CADM3: variants seen among roughly 807,000 people sequenced by gnomAD.
CADM3 encodes TSLC1-like 1.
CADM3 carries 11 observed loss-of-function variants against 44.9 expected under a neutral mutation model. The ratio of observed to expected loss-of-function variants is 0.25; its 90% CI spans 0.15 to 0.41. CADM3 has a LOEUF of 0.41. Ranked by LOEUF, CADM3 falls within the 10% of genes least tolerant of loss-of-function variation. CADM3 has a pLI of 1.00. For missense variants in CADM3, 426 were observed against 512.0 expected, an observed-to-expected ratio of 0.83 and a Z score of 1.62; for synonymous variants, 207 against 205.2, an observed-to-expected ratio of 1.01 and a Z score of -0.08.
chr1:159,192,981 A>T (rs1402101932), intron 3 of CADM3, among the ~76,000 whole-genome samples: 1 of 152,212 alleles, frequency 6.6e-6, no homozygotes, highest in Non-Finnish European at 1.5e-5. Context: ...TAACAGAGAG[A>T]TGATCATACC....
intron 8 of CADM3, 102 bp downstream of exon 8, chr1:159,199,978 A>G (rs1484208937): frequency 3.5e-6 from 5 of 1,419,508 alleles, no homozygotes; most frequent in Non-Finnish European, 4.9e-6. Context: ...GCCTTCAGAG[A>G]CTTGTCAGCC....
chr1:159,197,187 A>T, intron 7 of CADM3, 127 bp downstream of exon 7: 1 of 949,114 alleles, frequency 1.1e-6, no homozygotes, highest in South Asian at 1.7e-5. Context: ...AAACCAGCCC[A>T]CCACTGGGGT....
At chr1:159,194,619 C>T (rs1400771472) in intron 5 of CADM3, 1 of 152,224 alleles carries the variant, frequency 6.6e-6, no homozygotes, top group Non-Finnish European at 1.5e-5. Flanking sequence ...TTTATGATTT[C>T]AAGAAAATAT....
chr1:159,178,486 C>A (rs1649108067), intron 1 of CADM3: 1 of 152,174 alleles, frequency 6.6e-6, no homozygotes, highest in African/African-American at 2.4e-5. Flanking sequence ...TACATCCATA[C>A]CGTCCTGAAC....
At chr1:159,193,228 A>G (rs1259844159) in intron 3 of CADM3, among the ~76,000 whole-genome samples, 195 bp from the exon 4 acceptor site, 2 of 152,220 alleles carry the variant, frequency 1.3e-5, no homozygotes, top group African/African-American at 4.8e-5. Flanking sequence ...CCTCACTGCC[A>G]TGCTGTCTCC....
Position 159,178,852 on chromosome 1 carries a change from A to C in CADM3, c.88+6999A>C, listed in dbSNP as rs76701978. ...CAAGCTTCTCATCCCCTAAATGCTG[A>C]TTTTCCCATGTCAATTTATGGATAA... On this transcript the variant is annotated intron_variant, in intron 1 of 8. Transcript: ENST00000368125. 7.9e-5 allele frequency among the ~76,000 whole-genome samples: 12 copies of C among 152,244 alleles called. 1 individual carries two copies. The East Asian group carries it at 1.7e-3, about 22-fold the overall frequency.
At chr1:159,184,533 G>C (rs920778241) in intron 1 of CADM3, among the ~76,000 whole-genome samples, 2 of 152,118 alleles carry the variant, frequency 1.3e-5, no homozygotes, top group African/African-American at 4.8e-5. Flanking sequence ...CACTGGCAAG[G>C]CCAGCAGCAG....
At chr1:159,187,259 T>A (rs1039240579) in intron 1 of CADM3, among the ~76,000 whole-genome samples, 1 of 152,188 alleles carries the variant, frequency 6.6e-6, no homozygotes, top group Non-Finnish European at 1.5e-5. Context: ...GAGAGCCCAC[T>A]AGGGGCTAAG....
rs373766355 is a variant in CADM3 at position 159,196,443 on chromosome 1, C to T, written c.771C>T (p.Arg257=). 3.2e-5 allele frequency: 52 copies of T among 1,613,644 alleles called. No individual in the cohort carries two copies. The highest frequency in any genetic ancestry group is 2.1e-4 in the African/African-American group (16 of 74,888). The change falls in exon 6 of 9, where the codon CGC becomes CGT. Residue 257 remains arginine, a synonymous_variant. Transcript: ENST00000368125. ...AGCTGTTGCTACACTGTGAGGGTCG[C>T]GGCAATCCAGTGTAAGAAGATCCAT... The part of the protein sequence containing the change: ...GQKLLLHCEG[R]GNPVPQQYLW...
At chr1:159,200,165 G>C (rs927323213) in intron 8 of CADM3, among the ~76,000 whole-genome samples, 2 of 152,180 alleles carry the variant, frequency 1.3e-5, no homozygotes, top group Non-Finnish European at 2.9e-5. Context: ...CAGGTCTCCT[G>C]CTGCAAGACA....
At chr1:159,177,630 G>A (rs963873686) in intron 1 of CADM3, among the ~76,000 whole-genome samples, 2 of 151,990 alleles carry the variant, frequency 1.3e-5, no homozygotes, top group Non-Finnish European at 2.9e-5. Flanking sequence ...TATGCTCCCC[G>A]ACCTGTTCCA....
chr1:159,198,120 G>A (rs1219663392), intron 7 of CADM3: 3 of 152,236 alleles, frequency 2.0e-5, no homozygotes, highest in African/African-American at 4.8e-5. Context: ...CAACAGCCAG[G>A]CAGAGGGAGT....
intron 1 of CADM3, among the ~76,000 whole-genome samples, chr1:159,188,431 T>G (rs1649505601): frequency 6.6e-6 from 1 of 151,848 alleles, no homozygotes; most frequent in Admixed American, 6.6e-5. Flanking sequence ...CACTTTTCTT[T>G]GTAATCTCGA....
intron 1 of CADM3, among the ~76,000 whole-genome samples, chr1:159,190,467 C>T (rs1649608886): frequency 6.6e-6 from 1 of 152,190 alleles, no homozygotes; most frequent in South Asian, 2.1e-4. Flanking sequence ...GCAATCATTG[C>T]ATCTCCATTG....
intron 1 of CADM3, among the ~76,000 whole-genome samples, chr1:159,176,856 A>C (rs997146109): frequency 1.3e-5 from 2 of 152,138 alleles, no homozygotes; most frequent in African/African-American, 4.8e-5. Context: ...AATTTTCCTA[A>C]GCCTTAAGGC....
At chr1:159,200,742 G>T in intron 8 of CADM3, 62 bp from the exon 9 acceptor site, 2 of 1,249,000 alleles carry the variant, frequency 1.6e-6, no homozygotes, top group Non-Finnish European at 2.2e-6. Flanking sequence ...GAGAAAGTGG[G>T]CAGGGTGGAC....
chr1:159,196,163 C>T, intron 5 of CADM3: 1 of 552,268 alleles, frequency 1.8e-6, no homozygotes, highest in South Asian at 2.1e-5. Context: ...AATCCTATCA[C>T]ACAAGGTTGC....
At chr1:159,175,257 C>A (rs1416330266) in intron 1 of CADM3, among the ~76,000 whole-genome samples, 1 of 152,206 alleles carries the variant, frequency 6.6e-6, no homozygotes. Flanking sequence ...TCCTTTTAGA[C>A]ATGTGCATTT....
Position 159,192,559 on chromosome 1 carries a change from A to T in CADM3, c.230-19A>T. ...GGTGCCAGTAAAATCCTAGCTTTCC[A>T]TTCTCTTGATTTCCCCAGCCCTTCG... On this transcript the variant is annotated intron_variant, in intron 2 of 8. Transcript: ENST00000368125. 1.2e-6 allele frequency: 2 copies of T among 1,613,994 alleles called. No homozygotes were observed. Among genetic ancestry groups the T allele is most frequent in the Non-Finnish European group, 8.5e-7 (1 of 1,179,998 alleles).
Sources: gnomAD v4.1 joint callset for allele counts (sites outside exome capture counted in the v4.1 genomes callset) on GRCh38, gnomAD v4.1.1 for gene constraint, MANE v1.5 for transcripts, NCBI Gene and HGNC (gene_info 2026-07-23, HGNC 2026-07-21) for gene names.